USP10: variants seen among roughly 807,000 people sequenced by gnomAD.
The protein encoded by USP10 is ubiquitin specific peptidase 10.
In USP10, 22 loss-of-function variants were observed where a neutral mutation model predicts 84.5. The observed-to-expected ratio is 0.26, with a 90% CI of 0.19 to 0.37. USP10 has a LOEUF of 0.37. Among genes scored for constraint, USP10 ranks in the 10% least tolerant of loss-of-function variants. USP10 has a pLI of 1.00. For synonymous variants in USP10, 454 were observed against 387.6 expected, an observed-to-expected ratio of 1.17 and a Z score of -2.01; for missense variants, 1,019 against 998.9, an observed-to-expected ratio of 1.02 and a Z score of -0.27.
chr16:84,730,065 G>T (rs1477012995), intron 1 of USP10, among the ~76,000 whole-genome samples: 3 of 152,010 alleles, frequency 2.0e-5, no homozygotes, highest in Non-Finnish European at 4.4e-5. Context: ...AAAGTATGTA[G>T]TCCCCTCCCA....
chr16:84,770,902 C>G (rs1914379404), intron 11 of USP10, among the ~76,000 whole-genome samples: 1 of 151,852 alleles, frequency 6.6e-6, no homozygotes, highest in Non-Finnish European at 1.5e-5. Flanking sequence ...CCCATCTCTA[C>G]TAAAAATACA....
chr16:84,740,860 C>CT (rs1910541196), intron 3 of USP10, among the ~76,000 whole-genome samples: 1 of 152,196 alleles, frequency 6.6e-6, no homozygotes, highest in Non-Finnish European at 1.5e-5. Flanking sequence ...TGGTCTGTTA[C>CT]TTTTTTGGGT....
chr16:84,764,388 T>G (rs1287857923), intron 10 of USP10, 125 bp downstream of exon 10: 1 of 1,292,196 alleles, frequency 7.7e-7, no homozygotes, highest in East Asian at 2.3e-5. Context: ...CTTGCTCCCC[T>G]GCCTGCTCTT....
rs202025437 is a variant in USP10, at chr16:84,740,333, C to A, written c.115C>A (p.Leu39Met). The stretch of plus-strand genomic sequence containing the variant: ...GCTTCCTCCATACAGTGGAACAGTT[C>A]TGTGTGGCACACAGGCTGTGGATAA... ...VELPPYSGTV[L>M]CGTQAVDKLP... Residue 39 changes from leucine (L) to methionine (M), a missense_variant, in exon 3 of 14, where the codon CTG becomes ATG. By Grantham distance (15) the Leu-to-Met change is conservative. Transcript: ENST00000219473. 3 of 1,613,016 alleles carry A rather than the reference C, an allele frequency of 1.9e-6. No individual in the cohort carries two copies. Among genetic ancestry groups the A allele is most frequent in the South Asian group, 1.1e-5 (1 of 90,938 alleles).
At chr16:84,750,784 T>C (rs1461970089) in intron 4 of USP10, among the ~76,000 whole-genome samples, 2 of 152,216 alleles carry the variant, frequency 1.3e-5, no homozygotes, top group African/African-American at 2.4e-5. Flanking sequence ...AACTGCCCGA[T>C]AAGTTAAAAT....
At chr16:84,704,784 A>C in intron 1 of USP10, 1 of 1,535,554 alleles carries the variant, frequency 6.5e-7, no homozygotes, top group Non-Finnish European at 8.7e-7. Context: ...TTGAGAACCC[A>C]GAAGCTCTAC....
intron 1 of USP10, among the ~76,000 whole-genome samples, chr16:84,731,105 G>A (rs1305502814): frequency 6.7e-6 from 1 of 149,630 alleles, no homozygotes; most frequent in Non-Finnish European, 1.5e-5. Flanking sequence ...TCAGCCTCCT[G>A]AGTAGCTGGG....
chr16:84,775,368 G>T (rs541115619), intron 13 of USP10, 143 bp downstream of exon 13: 5 of 733,282 alleles, frequency 6.8e-6, no homozygotes, highest in South Asian at 1.6e-5. Flanking sequence ...GGGGAGTCAC[G>T]TGAGAGTTTT....
chr16:84,732,916 G>T (rs1909428371), intron 1 of USP10: 1 of 368,220 alleles, frequency 2.7e-6, no homozygotes, highest in Non-Finnish European at 5.3e-6. Context: ...GTGTATCTGT[G>T]TATCCTATGG....
intron 1 of USP10, among the ~76,000 whole-genome samples, chr16:84,704,434 G>T (rs987046769): frequency 2.4e-4 from 37 of 152,360 alleles, no homozygotes; most frequent in African/African-American, 7.9e-4. Flanking sequence ...TGGGCCATTG[G>T]ATTACTGTCA....
At chr16:84,764,486 TC>T (rs1383295308) in intron 10 of USP10, among the ~76,000 whole-genome samples, 1 of 152,148 alleles carries the variant, frequency 6.6e-6, no homozygotes, top group African/African-American at 2.4e-5. Context: ...AGGGAGCTCC[TC>T]CCTTCTACTC....
At position 84,716,710 on chromosome 16, in the gene USP10, T is replaced by C. The variant is rs187322505; in HGVS notation, c.21+16599T>C. 5.3e-5 allele frequency among the ~76,000 whole-genome samples: 8 copies of C among 152,306 alleles called. No individual in the cohort carries two copies. In the East Asian group the frequency reaches 1.5e-3, roughly 29 times the overall value. On this transcript the variant is annotated intron_variant, in intron 1 of 13. Transcript: ENST00000219473. Reference sequence around the variant, plus strand: ...ATGAATAAATGCAGAGTTACTGGGATCTTAGGTGCACGACCTTCGGCAAGG... The same window carrying C: ...ATGAATAAATGCAGAGTTACTGGGACCTTAGGTGCACGACCTTCGGCAAGG...
chr16:84,729,087 C>T (rs940254966), intron 1 of USP10, among the ~76,000 whole-genome samples: 1 of 152,186 alleles, frequency 6.6e-6, no homozygotes, highest in African/African-American at 2.4e-5. Flanking sequence ...CGTGAGCCAC[C>T]GTGTCTGGCC....
In USP10 at chr16:84,744,980, G is replaced by A; in HGVS notation, c.499G>A (p.Gly167Ser). 6.2e-7 allele frequency: 1 copy of A among 1,613,820 alleles called. No homozygotes were observed. The highest frequency in any genetic ancestry group is 8.5e-7 in the Non-Finnish European group (1 of 1,179,732). ...ATATTACAGCTATTTGAAAGATGGT[G>A]GCGATGATAGTATCTCCACAGAAGC... ...PGYYSYLKDG[G>S]DDSISTEALV... Residue 167 changes from glycine (G) to serine (S), a missense_variant, in exon 4 of 14, where the codon GGC (glycine) becomes AGC (serine). This residue lies in a region of USP10 where 787 missense variants were observed against 708.8 expected (regional missense o/e 1.11). Coordinates refer to ENST00000219473, the MANE Select transcript of USP10 (RefSeq NM_005153.3).
Position 84,725,877 on chromosome 16 carries a change from A to T in USP10, c.22-7558A>T, listed in dbSNP as rs11863989. The stretch of plus-strand genomic sequence containing the variant: ...TATTGCTCTTTTCATGTTTCCCCAA[A>T]TTGAGCTTATTTGGATCAGGAGAAG... On this transcript the variant is annotated intron_variant, in intron 1 of 13. Transcript: ENST00000219473. Among the ~76,000 whole-genome samples the T allele has an allele frequency of 2.5e-3, 388 of 152,294 alleles. 1 individual carries two copies. The highest frequency in any genetic ancestry group is 8.8e-3 in the African/African-American group (366 of 41,556).
intron 13 of USP10, among the ~76,000 whole-genome samples, 181 bp downstream of exon 13, chr16:84,775,406 T>C (rs1045932922): frequency 3.3e-5 from 5 of 152,186 alleles, no homozygotes; most frequent in African/African-American, 7.2e-5. Flanking sequence ...GATGACGGAT[T>C]ATCATCTTGG....
intron 1 of USP10, among the ~76,000 whole-genome samples, chr16:84,720,090 A>AT (rs1907586297): frequency 6.6e-6 from 1 of 152,198 alleles, no homozygotes; most frequent in Non-Finnish European, 1.5e-5. Flanking sequence ...TTACCAGCTA[A>AT]TGTAAGTACT....
intron 1 of USP10, among the ~76,000 whole-genome samples, chr16:84,731,046 C>G (rs1909153263): frequency 7.7e-6 from 1 of 129,264 alleles, no homozygotes; most frequent in South Asian, 2.6e-4. Context: ...GTGGCTCATT[C>G]TCGGCTTGCT....
chr16:84,756,937 G>C (rs2150843671), intron 4 of USP10, among the ~76,000 whole-genome samples: 1 of 152,314 alleles, frequency 6.6e-6, no homozygotes, highest in African/African-American at 2.4e-5. Context: ...GGATTTTTAA[G>C]TGAAGCCCCT....
Sources: allele counts gnomAD v4.1 joint callset (sites outside exome capture counted in the v4.1 genomes callset), GRCh38; gene constraint gnomAD v4.1.1; regional missense constraint gnomAD v4.1.1; transcripts MANE v1.5; gene names NCBI Gene and HGNC (gene_info 2026-07-23, HGNC 2026-07-21).